FRMPD4: variants seen among roughly 807,000 people sequenced by gnomAD.
FRMPD4 encodes the protein FERM and PDZ domain containing 4.
In FRMPD4, 22 loss-of-function variants were observed where a neutral mutation model predicts 94.1. That is an observed-to-expected ratio of 0.23 (90% CI 0.17 to 0.33). The LOEUF (loss-of-function observed/expected upper bound fraction) is 0.33. FRMPD4 is among the 10% of genes least tolerant of loss of function. The pLI is 1.00. For synonymous variants in FRMPD4, 631 were observed against 548.6 expected (o/e 1.15, Z -2.10); for missense variants, 1,111 against 1,339.9 (o/e 0.83, Z 2.67).
At chrX:12,470,648 G>T (rs771005878) in intron 1 of FRMPD4, among the ~76,000 whole-genome samples, 4 of 111,863 alleles carry the variant, frequency 3.6e-5, no homozygotes, top group Non-Finnish European at 7.5e-5. Context: ...ATAATCATTT[G>T]TGTTCATTTC....
chrX:12,109,566 C>T (rs2055335495), intron 3 of FRMPD4, among the ~76,000 whole-genome samples: 2 of 111,633 alleles, frequency 1.8e-5, no homozygotes, highest in South Asian at 7.6e-4. Flanking sequence ...TGAGAAATAA[C>T]TAAGATCAGA....
chrX:11,881,208 C>A (rs1326268686), intron 3 of FRMPD4, among the ~76,000 whole-genome samples: 1 of 111,970 alleles, frequency 8.9e-6, no homozygotes, highest in Non-Finnish European at 1.9e-5. Flanking sequence ...AATCTATTGG[C>A]AAAATAGTAC....
intron 3 of FRMPD4, among the ~76,000 whole-genome samples, chrX:11,895,824 C>A (rs772088663): frequency 8.9e-6 from 1 of 112,219 alleles, no homozygotes; most frequent in Admixed American, 9.4e-5. Flanking sequence ...AAGTTGTTTT[C>A]TTCCTGTAGC....
chrX:12,064,225 G>C (rs2054904678), intron 3 of FRMPD4, among the ~76,000 whole-genome samples: 1 of 112,291 alleles, frequency 8.9e-6, no homozygotes, highest in African/African-American at 3.2e-5. Flanking sequence ...CATTGTTCTA[G>C]GTACTTTACA....
chrX:12,264,653 T>C (rs2054246069), intron 1 of FRMPD4, among the ~76,000 whole-genome samples: 1 of 112,543 alleles, frequency 8.9e-6, no homozygotes, highest in African/African-American at 3.2e-5. Flanking sequence ...GTTTGTCTAT[T>C]AGTCTAACAT....
intron 1 of FRMPD4, among the ~76,000 whole-genome samples, chrX:12,162,855 G>A (rs183305696): frequency 9.0e-6 from 1 of 111,538 alleles, no homozygotes; most frequent in East Asian, 2.8e-4. Flanking sequence ...GGTGAAATTT[G>A]ACATGTTTCT....
At chrX:11,948,106 A>G (rs984791404) in intron 3 of FRMPD4, among the ~76,000 whole-genome samples, 5 of 109,138 alleles carry the variant, frequency 4.6e-5, no homozygotes, top group Admixed American at 9.8e-5. Context: ...AAAAAAAAAA[A>G]AAAAGTAGCA....
In FRMPD4 at chrX:12,434,510, C is replaced by T. The variant is rs140257500; in HGVS notation, c.42-64170C>T. ...GAAATGCATCTCTGCCTTAAACTCT[C>T]CAGGAAGTGAGATTCTTCTAGAAGC... On this transcript the variant is annotated intron_variant, in intron 1 of 16. Transcript: ENST00000675598. Among the ~76,000 whole-genome samples, 75 of 112,458 alleles carry T rather than the reference C, an allele frequency of 6.7e-4. 2 individuals are homozygous for T. In the East Asian group the frequency reaches 0.018, roughly 28 times the overall value.
intron 14 of FRMPD4, among the ~76,000 whole-genome samples, chrX:12,713,496 G>C (rs1245891391): frequency 9.0e-6 from 1 of 111,052 alleles, no homozygotes; most frequent in African/African-American, 3.3e-5. Context: ...GAGAGAGAGA[G>C]AGAGAGAGAC....
intron 1 of FRMPD4, among the ~76,000 whole-genome samples, chrX:11,829,420 T>C (rs1318394953): frequency 8.9e-6 from 1 of 111,733 alleles, no homozygotes. Context: ...TAGGAAAATC[T>C]TTTCTCAAGA....
chrX:12,405,389 A>G (rs1027730367), intron 1 of FRMPD4, among the ~76,000 whole-genome samples: 3 of 111,229 alleles, frequency 2.7e-5, no homozygotes, highest in Non-Finnish European at 5.7e-5. Context: ...TTAATTTTTA[A>G]TTTTTATGAG....
At chrX:12,341,494 T>A (rs2055613551) in intron 1 of FRMPD4, 2 of 193,549 alleles carry the variant, frequency 1.0e-5, no homozygotes, top group Non-Finnish European at 2.1e-5. Context: ...TTGCCATTGT[T>A]ATTGTTATTA....
rs57946725 is a variant in FRMPD4, at chrX:12,547,011, TAAAAAAAAAAAAA to T, written c.158+48232_158+48244del. On this transcript the variant is annotated intron_variant, in intron 2 of 16. Coordinates refer to ENST00000675598, the MANE Select transcript of FRMPD4 (RefSeq NM_001368397.1). The stretch of plus-strand genomic sequence containing the variant: ...GGGTGACAGAGCAAGACTGTCTCTT[TAAAAAAAAAAAAA>T]AAAAAAAAAAAAAAAAGCTTATTAA... 7.2e-3 allele frequency among the ~76,000 whole-genome samples: 244 copies of T among 33,776 alleles called. 2 individuals carry two copies. The highest frequency in any genetic ancestry group is 0.029 in the African/African-American group (238 of 8,199). The allele number at this position is 33,776 out of a possible 115,157, so 29.3% of individuals were successfully genotyped here. A position where few individuals can be genotyped will look rare whatever the true frequency, so the allele number is the denominator to read the frequency against.
intron 3 of FRMPD4, among the ~76,000 whole-genome samples, chrX:11,888,811 A>AAAAAC (rs753142282): frequency 9.8e-4 from 110 of 112,768 alleles, no homozygotes; most frequent in African/African-American, 3.3e-3. Context: ...CTTCATTGCT[A>AAAAAC]AAAACAAATG....
intron 1 of FRMPD4, among the ~76,000 whole-genome samples, chrX:12,451,906 T>C (rs768636654): frequency 5.4e-5 from 6 of 111,260 alleles, no homozygotes; most frequent in African/African-American, 2.0e-4. Context: ...AACTTTTATC[T>C]CTAGCAGCTC....
intron 1 of FRMPD4, among the ~76,000 whole-genome samples, chrX:12,243,884 C>T (rs2053917241): frequency 1.1e-5 from 1 of 92,401 alleles, no homozygotes; most frequent in South Asian, 6.0e-4. Flanking sequence ...AGATCTTGAC[C>T]TCCTGGGCTC....
intron 2 of FRMPD4, among the ~76,000 whole-genome samples, chrX:12,505,873 A>G (rs2057979092): frequency 8.9e-6 from 1 of 112,027 alleles, no homozygotes; most frequent in African/African-American, 3.2e-5. Context: ...AAGCTTGAAT[A>G]AAGCCTTGTT....
At chrX:12,373,032 C>T (rs2056184028) in intron 1 of FRMPD4, 1 of 112,280 alleles carries the variant, frequency 8.9e-6, no homozygotes, top group African/African-American at 3.2e-5. Flanking sequence ...TGACTTCTCT[C>T]CTCTTGCCGC....
At chrX:12,074,596 A>G (rs2054997021) in intron 3 of FRMPD4, among the ~76,000 whole-genome samples, 1 of 112,053 alleles carries the variant, frequency 8.9e-6, no homozygotes, top group Admixed American at 9.5e-5. Context: ...CTGCTTTACC[A>G]TTTCAATATA....
Sources: allele counts gnomAD v4.1 joint callset (sites outside exome capture counted in the v4.1 genomes callset), GRCh38; gene constraint gnomAD v4.1.1; transcripts MANE v1.5; gene names NCBI Gene and HGNC (gene_info 2026-07-23, HGNC 2026-07-21).